Variants in CNTN4 observed in about 807,000 individuals in gnomAD.
CNTN4 encodes the protein contactin-4.
CNTN4 carries 77 observed loss-of-function variants against 122.5 expected under a neutral mutation model. That is an observed-to-expected ratio of 0.63 (90% CI 0.52 to 0.76). CNTN4 has a LOEUF of 0.76. Among genes scored for constraint, CNTN4 ranks in the 30% least tolerant of loss-of-function variants. The pLI is 0.00. For missense variants in CNTN4, 1,256 were observed against 1,259.1 expected, an observed-to-expected ratio of 1.00 and a Z score of 0.04; for synonymous variants, 512 against 447.0, an observed-to-expected ratio of 1.15 and a Z score of -1.83.
chr3:2,340,710 T>TATATATAGAGAGAGAG lies in CNTN4; in HGVS notation c.-89+1478_-89+1479insTATATAGAGAGAGAGA. On this transcript the variant is annotated intron_variant, in intron 3 of 24. Coordinates refer to ENST00000418658, the MANE Select transcript of CNTN4 (RefSeq NM_175607.3). ...TTATATATATATATATATATATATA[T>TATATATAGAGAGAGAG]AGAGAGAGAGAGAGAGAGAGAGAGA... Among the ~76,000 whole-genome samples the TATATATAGAGAGAGAG allele has an allele frequency of 3.3e-3, 60 of 18,304 alleles. 2 individuals are homozygous for TATATATAGAGAGAGAG. The highest frequency in any genetic ancestry group is 9.9e-3 in the East Asian group (2 of 202). The allele number at this position is 18,304 out of a possible 152,430, so 12.0% of individuals were successfully genotyped here.
intron 3 of CNTN4, among the ~76,000 whole-genome samples, chr3:2,401,801 G>A (rs1001602645): frequency 1.3e-5 from 2 of 152,126 alleles, no homozygotes; most frequent in Non-Finnish European, 2.9e-5. Context: ...TTCACCACAC[G>A]AGTGTGGCTG....
At chr3:2,834,601 C>T (rs946007034) in intron 7 of CNTN4, among the ~76,000 whole-genome samples, 1 of 152,002 alleles carries the variant, frequency 6.6e-6, no homozygotes, top group African/African-American at 2.4e-5. Flanking sequence ...AACAAAGAAG[C>T]TGTAATCTAT....
intron 13 of CNTN4, among the ~76,000 whole-genome samples, chr3:2,932,297 G>A (rs1204912778): frequency 6.6e-6 from 1 of 152,138 alleles, no homozygotes; most frequent in African/African-American, 2.4e-5. Flanking sequence ...AGAATGGCGT[G>A]AACCCAGAAG....
rs531571976 is a variant in CNTN4, at chr3:2,778,060, A to G, written c.358+32363A>G. On this transcript the variant is annotated intron_variant, in intron 6 of 24. Coordinates refer to ENST00000418658, the MANE Select transcript of CNTN4 (RefSeq NM_175607.3). ...AAACCCCGTCTCTACTAAAAATACAAAAAATTAGCCGGGCGTGGTGGCGGG... is the reference window on the plus strand; with the variant it reads ...AAACCCCGTCTCTACTAAAAATACAGAAAATTAGCCGGGCGTGGTGGCGGG... Among the ~76,000 whole-genome samples, 777 of 149,896 alleles carry G rather than the reference A, an allele frequency of 5.2e-3. 5 individuals carry two copies. The highest frequency in any genetic ancestry group is 0.018 in the African/African-American group (742 of 40,530).
intron 8 of CNTN4, among the ~76,000 whole-genome samples, chr3:2,867,285 T>C (rs1449780300): frequency 6.6e-6 from 1 of 152,198 alleles, no homozygotes; most frequent in Non-Finnish European, 1.5e-5. Flanking sequence ...AACAATTAGC[T>C]CATTAATCAA....
chr3:2,114,586 G>A (rs1344989908), intron 2 of CNTN4, among the ~76,000 whole-genome samples: 1 of 152,168 alleles, frequency 6.6e-6, no homozygotes, highest in African/African-American at 2.4e-5. Flanking sequence ...TGGGAAGGTG[G>A]CAATAGGGCC....
At chr3:2,298,686 G>A (rs1438433639) in intron 2 of CNTN4, among the ~76,000 whole-genome samples, 1 of 152,110 alleles carries the variant, frequency 6.6e-6, no homozygotes, top group African/African-American at 2.4e-5. Context: ...AAAGTATTGT[G>A]TATGAAATAT....
chr3:2,507,869 C>A (rs892523908), intron 3 of CNTN4, among the ~76,000 whole-genome samples: 3 of 151,588 alleles, frequency 2.0e-5, no homozygotes, highest in African/African-American at 7.3e-5. Flanking sequence ...TTCTCTCTCT[C>A]TTTTCTTCTC....
At chr3:2,152,199 T>C (rs1386380291) in intron 2 of CNTN4, among the ~76,000 whole-genome samples, 1 of 152,128 alleles carries the variant, frequency 6.6e-6, no homozygotes, top group East Asian at 1.9e-4. Context: ...AGGTAATAGC[T>C]AGTACAAAAG....
chr3:2,929,885 T>C (rs564085442), intron 13 of CNTN4, among the ~76,000 whole-genome samples: 2 of 152,150 alleles, frequency 1.3e-5, no homozygotes, highest in Non-Finnish European at 2.9e-5. Context: ...GAAGAGGGAA[T>C]GGATGCTGCG....
At chr3:2,152,876 C>T (rs2035556825) in intron 2 of CNTN4, among the ~76,000 whole-genome samples, 1 of 152,246 alleles carries the variant, frequency 6.6e-6, no homozygotes, top group Non-Finnish European at 1.5e-5. Flanking sequence ...AAGAGCTTTC[C>T]TGGGGCAGAC....
At chr3:2,789,776 G>A (rs748500817) in intron 6 of CNTN4, among the ~76,000 whole-genome samples, 10 of 152,170 alleles carry the variant, frequency 6.6e-5, no homozygotes, top group Non-Finnish European at 1.3e-4. Context: ...AAAGAACAAT[G>A]TAGAGAGGTT....
In CNTN4 at chr3:2,614,509, G is replaced by A. The variant is rs553749298; in HGVS notation, c.55+42951G>A. Among the ~76,000 whole-genome samples the A allele has an allele frequency of 3.7e-4, 57 of 152,264 alleles. 1 individual carries two copies. The South Asian group carries it at 0.011, about 31-fold the overall frequency. ...GGCTGTTGTCCAGGTGAGAGGTGAC[G>A]GTGGGGAAGACCAAACTGGTGTAGT... On this transcript the variant is annotated intron_variant, in intron 4 of 24. Transcript: ENST00000418658.
At chr3:2,104,137 C>T (rs1016176236) in intron 2 of CNTN4, among the ~76,000 whole-genome samples, 5 of 152,078 alleles carry the variant, frequency 3.3e-5, no homozygotes, top group Non-Finnish European at 7.4e-5. Context: ...TTCCTCTTTA[C>T]TTTCCCTGAG....
At chr3:2,971,330 C>A (rs988395330) in intron 13 of CNTN4, among the ~76,000 whole-genome samples, 1 of 141,476 alleles carries the variant, frequency 7.1e-6, no homozygotes, top group Non-Finnish European at 1.5e-5. Context: ...CTATCTATAT[C>A]TATATCTGTC....
intron 2 of CNTN4, among the ~76,000 whole-genome samples, chr3:2,323,593 T>C (rs1162782364): frequency 6.6e-6 from 1 of 152,174 alleles, no homozygotes; most frequent in East Asian, 1.9e-4. Context: ...CCCAAACACG[T>C]AACATGTTTT....
intron 6 of CNTN4, among the ~76,000 whole-genome samples, chr3:2,770,356 G>A (rs1271507583): frequency 6.6e-6 from 1 of 152,124 alleles, no homozygotes; most frequent in East Asian, 1.9e-4. Flanking sequence ...TTTAGCTTTG[G>A]AGGAAAATGT....
At chr3:2,361,493 G>T (rs2045136855) in intron 3 of CNTN4, among the ~76,000 whole-genome samples, 1 of 152,160 alleles carries the variant, frequency 6.6e-6, no homozygotes, top group Admixed American at 6.5e-5. Context: ...AAGTGTCAAG[G>T]TTGAGAAACC....
At chr3:2,408,309 A>G (rs2047110393) in intron 3 of CNTN4, among the ~76,000 whole-genome samples, 1 of 152,186 alleles carries the variant, frequency 6.6e-6, no homozygotes, top group East Asian at 1.9e-4. Context: ...AGCAAGCATG[A>G]TGCTTTCCTG....
Sources: gnomAD v4.1 joint callset for allele counts (sites outside exome capture counted in the v4.1 genomes callset) on GRCh38, gnomAD v4.1.1 for gene constraint, MANE v1.5 for transcripts, NCBI Gene and HGNC (gene_info 2026-07-23, HGNC 2026-07-21) for gene names.